NELL2: variants seen among roughly 807,000 people sequenced by gnomAD.
NELL2 encodes the protein protein kinase C-binding protein NELL2.
Under a neutral mutation model 109.6 loss-of-function variants are expected in NELL2, and 41 were observed. The ratio of observed to expected loss-of-function variants is 0.37; its 90% CI spans 0.29 to 0.49. The LOEUF is 0.49. Among genes scored for constraint, NELL2 ranks in the 20% least tolerant of loss-of-function variants. NELL2 has a pLI of 0.98. For synonymous variants in NELL2, 355 were observed against 344.7 expected (o/e 1.03, Z -0.33); for missense variants, 900 against 1,008.3 (o/e 0.89, Z 1.45).
intron 9 of NELL2, among the ~76,000 whole-genome samples, chr12:44,745,815 A>G (rs544159310): frequency 5.6e-4 from 85 of 152,346 alleles, no homozygotes; most frequent in East Asian, 3.9e-4. Flanking sequence ...AACAAATGGA[A>G]GAACATTCCA....
chr12:44,845,602 T>G (rs1233619762), intron 2 of NELL2, among the ~76,000 whole-genome samples: 1 of 152,138 alleles, frequency 6.6e-6, no homozygotes, highest in African/African-American at 2.4e-5. Flanking sequence ...GAAGCTGGGG[T>G]GAAAGGCAGT....
chr12:44,691,517 T>C (rs1477079375), intron 12 of NELL2, among the ~76,000 whole-genome samples: 1 of 152,110 alleles, frequency 6.6e-6, no homozygotes, highest in Non-Finnish European at 1.5e-5. Context: ...TTAATAAGTG[T>C]TCAAGTGAGA....
chr12:44,709,797 T>C (rs1938096112), intron 11 of NELL2, among the ~76,000 whole-genome samples: 1 of 152,204 alleles, frequency 6.6e-6, no homozygotes, highest in South Asian at 2.1e-4. Flanking sequence ...AACACTGATA[T>C]GGCCTGCCTA....
intron 15 of NELL2, among the ~76,000 whole-genome samples, chr12:44,569,695 A>G (rs1809317298): frequency 6.6e-6 from 1 of 152,200 alleles, no homozygotes; most frequent in Non-Finnish European, 1.5e-5. Context: ...AATAATATGA[A>G]GCAACTGAAA....
intron 15 of NELL2, among the ~76,000 whole-genome samples, chr12:44,576,201 C>A (rs1944075847): frequency 6.6e-6 from 1 of 152,206 alleles, no homozygotes; most frequent in South Asian, 2.1e-4. Context: ...TAGATCAAAT[C>A]CCCCATCCCA....
intron 2 of NELL2, among the ~76,000 whole-genome samples, chr12:44,819,548 G>C (rs1172942108): frequency 6.6e-6 from 1 of 152,086 alleles, no homozygotes; most frequent in African/African-American, 2.4e-5. Flanking sequence ...TTTGTATTGG[G>C]GTGCTTAACG....
intron 1 of NELL2, among the ~76,000 whole-genome samples, chr12:44,920,285 C>T (rs948899702): frequency 6.6e-6 from 1 of 151,998 alleles, no homozygotes; most frequent in Non-Finnish European, 1.5e-5. Flanking sequence ...GAAGAGAATC[C>T]ATTTGGACAT....
chr12:44,695,605 T>C (rs1009335118), intron 12 of NELL2, among the ~76,000 whole-genome samples: 1 of 150,208 alleles, frequency 6.7e-6, no homozygotes, highest in Non-Finnish European at 1.5e-5. Flanking sequence ...TTAAAAGTGG[T>C]AAAGAGAAAA....
At position 44,522,090 on chromosome 12, in the gene NELL2, C is replaced by A. The variant is rs1565866264; in HGVS notation, c.2085G>T (p.Arg695Ser). ...DLFCCPECDP[R>S]LSSQCLHQNG... is the part of the protein sequence containing the mutation. ...TTTGATGGAGGCACTGACTACTAAG[C>A]CTTGGGTCACATTCAGGGCAGCAAA... Residue 695 changes from arginine (R) to serine (S), a missense_variant, in exon 18 of 20, where the codon AGG becomes AGT. Transcript: ENST00000429094. The A allele has an allele frequency of 6.2e-7, 1 of 1,613,930 alleles. No individual in the cohort carries two copies. Among genetic ancestry groups the A allele is most frequent in the African/African-American group, 1.3e-5 (1 of 74,868 alleles).
intron 3 of NELL2, among the ~76,000 whole-genome samples, chr12:44,780,751 G>T (rs934383128): frequency 2.0e-5 from 3 of 151,884 alleles, no homozygotes; most frequent in African/African-American, 7.3e-5. Flanking sequence ...AAACCACCCC[G>T]CCACAGTGCC....
At chr12:44,675,959 T>C (rs542936622) in intron 12 of NELL2, among the ~76,000 whole-genome samples, 7 of 152,258 alleles carry the variant, frequency 4.6e-5, no homozygotes, top group African/African-American at 1.4e-4. Context: ...TGCCACATTA[T>C]ACCTAGGATG....
intron 17 of NELL2, 140 bp downstream of exon 17, chr12:44,523,151 G>T: frequency 2.3e-6 from 2 of 857,030 alleles, no homozygotes; most frequent in South Asian, 3.4e-5. Context: ...TTGGGATAAT[G>T]GAAGTGTTCT....
chr12:44,802,687 C>T (rs1047784015), intron 3 of NELL2, among the ~76,000 whole-genome samples: 2 of 151,790 alleles, frequency 1.3e-5, no homozygotes, highest in Non-Finnish European at 2.9e-5. Flanking sequence ...GGAAATAATA[C>T]GTAAAAAAAG....
intron 1 of NELL2, among the ~76,000 whole-genome samples, chr12:44,888,843 A>T (rs915842643): frequency 6.6e-6 from 1 of 151,632 alleles, no homozygotes; most frequent in South Asian, 2.1e-4. Flanking sequence ...CATAAAATAA[A>T]AAAAAAATAA....
intron 13 of NELL2, among the ~76,000 whole-genome samples, chr12:44,618,258 C>CCA (rs1475242050): frequency 4.6e-5 from 7 of 152,162 alleles, no homozygotes; most frequent in Admixed American, 4.6e-4. Context: ...TGTTCACTGA[C>CCA]CACACCGATT....
intron 18 of NELL2, among the ~76,000 whole-genome samples, chr12:44,521,547 G>T (rs571849397): frequency 6.9e-6 from 1 of 143,930 alleles, no homozygotes; most frequent in South Asian, 2.2e-4. Context: ...AAAAAAGAAG[G>T]TTGCGGTGGT....
intron 15 of NELL2, among the ~76,000 whole-genome samples, chr12:44,584,729 A>G (rs1944435950): frequency 6.6e-6 from 1 of 152,130 alleles, no homozygotes; most frequent in African/African-American, 2.4e-5. Context: ...ATGTTGCTAT[A>G]AATTCTGTGG....
At chr12:44,683,514 G>A (rs1191269938) in intron 12 of NELL2, among the ~76,000 whole-genome samples, 1 of 151,992 alleles carries the variant, frequency 6.6e-6, no homozygotes, top group African/African-American at 2.4e-5. Flanking sequence ...CAAAGGGAAT[G>A]CTTCCAGTTT....
At chr12:44,768,777 T>G (rs1941435221) in intron 9 of NELL2, among the ~76,000 whole-genome samples, 1 of 152,116 alleles carries the variant, frequency 6.6e-6, no homozygotes, top group Non-Finnish European at 1.5e-5. Context: ...ATTACATAAT[T>G]CCTCTCATTT....
Sources: allele counts gnomAD v4.1 joint callset (sites outside exome capture counted in the v4.1 genomes callset), GRCh38; gene constraint gnomAD v4.1.1; transcripts MANE v1.5; gene names NCBI Gene and HGNC (gene_info 2026-07-23, HGNC 2026-07-21).